The following MYO15B variants were observed in gnomAD, a reference collection of about 807,000 sequenced individuals.
The protein encoded by MYO15B is myosin XVB.
In MYO15B, 207 loss-of-function variants were observed where a neutral mutation model predicts 119.3. The ratio of observed to expected loss-of-function variants is 1.73; its 90% CI spans 1.55 to 1.95. The LOEUF (loss-of-function observed/expected upper bound fraction) is 1.95, where lower values mean the gene tolerates loss of function less well. Among genes scored for constraint, MYO15B ranks in the 30% most tolerant of loss-of-function variants. The pLI, the probability that MYO15B is intolerant of heterozygous loss-of-function variation, is 0.00. For missense variants in MYO15B, 2,264 were observed against 1,203.1 expected, an observed-to-expected ratio of 1.88 and a Z score of -13.04; for synonymous variants, 966 against 498.9, an observed-to-expected ratio of 1.94 and a Z score of -12.48.
intron 43 of MYO15B, among the ~76,000 whole-genome samples, chr17:75,618,510 G>C (rs530746846): frequency 6.6e-6 from 1 of 152,176 alleles, no homozygotes; most frequent in Non-Finnish European, 1.5e-5. Flanking sequence ...AAAATCAGGC[G>C]TGGTGGCACG....
chr17:75,606,435 C>T (rs1298364555), intron 21 of MYO15B, among the ~76,000 whole-genome samples: 1 of 151,798 alleles, frequency 6.6e-6, no homozygotes, highest in Non-Finnish European at 1.5e-5. Flanking sequence ...CTGCCTCAGC[C>T]TCCCGAGTAG....
rs1318298461 is a variant in MYO15B at position 75,625,055 on chromosome 17, C to A, written c.8689-68C>A. On this transcript the variant is annotated intron_variant, in intron 59 of 63. Coordinates refer to ENST00000645453, the Ensembl canonical transcript of MYO15B. The stretch of plus-strand genomic sequence containing the variant: ...GACAGTGGCAAAAGGAGGCTTGAGC[C>A]TCTAGAGCCACCAACTGATGGGGGG... 5 of 660,408 alleles carry A rather than the reference C, an allele frequency of 7.6e-6. No individual in the cohort carries two copies. The Admixed American group carries it at 1.1e-4, about 14-fold the overall frequency. 40.9% of individuals were successfully genotyped at this position (660,408 alleles called of 1,614,324 possible). A position where few individuals can be genotyped will look rare whatever the true frequency, so the allele number is the denominator to read the frequency against.
At chr17:75,626,459 G>A (rs2059075540) in exon 64 of MYO15B, 1 of 703,290 alleles carries the variant, frequency 1.4e-6, no homozygotes, top group Non-Finnish European at 2.6e-6. Flanking sequence ...AGTGCCTCTT[G>A]CACTGAGTGG....
exon 18 of MYO15B, chr17:75,603,060 A>C: frequency 1.4e-6 from 1 of 702,986 alleles, no homozygotes; most frequent in South Asian, 1.5e-5. Flanking sequence ...CCAGTGCCTC[A>C]CCCCTAACCC....
intron 60 of MYO15B, 139 bp downstream of exon 60, chr17:75,625,377 C>G: frequency 1.6e-6 from 1 of 643,240 alleles, no homozygotes; most frequent in East Asian, 2.7e-5. Context: ...CACCCCACCC[C>G]GAGCTCCTCT....
chr17:75,625,710 G>A (rs2059005692), intron 61 of MYO15B, 50 bp downstream of exon 61: 1 of 701,950 alleles, frequency 1.4e-6, no homozygotes, highest in Non-Finnish European at 2.6e-6. Context: ...GGCCAAGAGG[G>A]AAGGAATGCA....
At chr17:75,608,149 C>T (rs1419596932) in intron 21 of MYO15B, among the ~76,000 whole-genome samples, 8 of 151,958 alleles carry the variant, frequency 5.3e-5, no homozygotes, top group African/African-American at 9.7e-5. Flanking sequence ...GACAGAATCT[C>T]GCTCTGTCAC....
intron 19 of MYO15B, 96 bp downstream of exon 19, chr17:75,603,408 G>T (rs115289788): frequency 3.5e-5 from 23 of 657,124 alleles, no homozygotes; most frequent in Non-Finnish European, 5.8e-5. Context: ...GACTCACTCT[G>T]CCCAGGACTG....
exon 41 of MYO15B, chr17:75,617,086 T>G (rs1322540972): frequency 1.5e-6 from 1 of 681,000 alleles, no homozygotes; most frequent in East Asian, 2.7e-5. Flanking sequence ...TCCCCCCAGA[T>G]GCTGTCCCCC....
At chr17:75,606,858 G>A in intron 21 of MYO15B, 1 of 397,502 alleles carries the variant, frequency 2.5e-6, no homozygotes, top group Admixed American at 4.4e-5. Flanking sequence ...TTACCCTGCA[G>A]TGACTTTAGA....
At chr17:75,616,380 CAGG>C (rs368250560) in exon 38 of MYO15B, 36,604 of 468,396 alleles carry the variant, frequency 0.078, 506 homozygotes, top group South Asian at 0.11. Context: ...GGGGGAAGCG[CAGG>C]AGGAGGAGGA....
chr17:75,595,186 G>A lies in MYO15B; in HGVS notation c.3297+214G>A. ...GTAAAGGAGTGGGGCTGCCTCTGAG[G>A]ATTTAGAATCTCTCAAGGACTAGGG... On this transcript the variant is annotated intron_variant, in intron 12 of 63. Transcript: ENST00000645453. 3 of 597,190 alleles carry A rather than the reference G, an allele frequency of 5.0e-6. No homozygotes were observed. In the South Asian group the frequency reaches 6.0e-5, roughly 12 times the overall value. 37.0% of individuals were successfully genotyped at this position (597,190 alleles called of 1,614,324 possible). A position where few individuals can be genotyped will look rare whatever the true frequency, so the allele number is the denominator to read the frequency against.
At chr17:75,612,996 G>T (rs1277170853) in exon 27 of MYO15B, 1 of 693,190 alleles carries the variant, frequency 1.4e-6, no homozygotes, top group Non-Finnish European at 2.7e-6. Flanking sequence ...CTGGGGGACG[G>T]ATCCCTGGAG....
chr17:75,593,195 A>C lies in MYO15B; in HGVS notation c.2991+355A>C, dbSNP rs2056592578. ...GGCAACATAGAGAAACCCCGTCTCT[A>C]TTAAAAAAAAAAAAAAAAAAAAAAA... On this transcript the variant is annotated intron_variant, in intron 9 of 63. Coordinates refer to ENST00000645453, the Ensembl canonical transcript of MYO15B. 1.3e-4 allele frequency among the ~76,000 whole-genome samples: 10 copies of C among 75,142 alleles called. No homozygotes were observed. In the South Asian group the frequency reaches 6.2e-3, roughly 47 times the overall value. The allele number at this position is 75,142 out of a possible 152,430, so 49.3% of individuals were successfully genotyped here.
Position 75,589,689 on chromosome 17 carries a change from G to T in MYO15B, c.1632G>T (p.Ala544=), listed in dbSNP as rs889705836. Residue 544 remains alanine (A), a synonymous_variant, in exon 1 of 64, where the codon GCG becomes GCT. Coordinates refer to ENST00000645453, the Ensembl canonical transcript of MYO15B. This position sits in a 1 kb window ranked among gnomAD's most constrained non-coding sequence, Gnocchi z 4.2. ...ACGAGACTCCAGATCCCAAGTTCGCGGTCGTGTTCCCCAGGATCCACAGGG... is the reference window on the plus strand; with the variant it reads ...ACGAGACTCCAGATCCCAAGTTCGCTGTCGTGTTCCCCAGGATCCACAGGG... 4 of 398,694 alleles carry T rather than the reference G, an allele frequency of 1.0e-5. No homozygotes were observed. The highest frequency in any genetic ancestry group is 4.4e-5 in the Admixed American group (1 of 22,712). The allele number at this position is 398,694 out of a possible 1,614,324, so 24.7% of individuals were successfully genotyped here.
At chr17:75,594,105 G>T (rs5014357) in intron 9 of MYO15B, among the ~76,000 whole-genome samples, 2 of 134,028 alleles carry the variant, frequency 1.5e-5, no homozygotes, top group Non-Finnish European at 3.1e-5. Flanking sequence ...AAAAAAAAAA[G>T]AAAAAAAAAA....
intron 49 of MYO15B, 138 bp downstream of exon 49, chr17:75,620,774 C>T (rs1021577161): frequency 2.0e-5 from 14 of 701,248 alleles, no homozygotes; most frequent in Admixed American, 1.8e-4. Context: ...CCTCTGCCCG[C>T]TCCTGATGGC....
exon 1 of MYO15B, chr17:75,588,643 A>C (rs2056213988): frequency 7.5e-6 from 3 of 400,402 alleles, no homozygotes; most frequent in Non-Finnish European, 1.3e-5. Context: ...AGGGACAAAA[A>C]CCGGGCCGGA....
chr17:75,592,853 G>A lies in MYO15B; in HGVS notation c.2991+13G>A, dbSNP rs772538489. ...CTCCTCCTCAGAGGTGGGCTTCCCC[G>A]TGGGCAGGGGCCATCTGGGGTGCTG... On this transcript the variant is annotated intron_variant, in intron 9 of 63. Transcript: ENST00000645453. The A allele has an allele frequency of 3.1e-5, 22 of 698,804 alleles. No individual in the cohort carries two copies. Among genetic ancestry groups the A allele is most frequent in the African/African-American group, 2.3e-4 (13 of 57,182 alleles). The allele number at this position is 698,804 out of a possible 1,614,324, so 43.3% of individuals were successfully genotyped here. A position where few individuals can be genotyped will look rare whatever the true frequency, so the allele number is the denominator to read the frequency against.
Sources: allele counts gnomAD v4.1 joint callset (sites outside exome capture counted in the v4.1 genomes callset), GRCh38; gene constraint gnomAD v4.1.1; non-coding constraint Gnocchi (gnomAD v3.1); transcripts MANE v1.5; gene names NCBI Gene and HGNC (gene_info 2026-07-23, HGNC 2026-07-21).